MAN2B1: variants seen among roughly 807,000 people sequenced by gnomAD.
The protein encoded by MAN2B1 is lysosomal alpha-mannosidase.
In MAN2B1, 99 loss-of-function variants were observed where a neutral mutation model predicts 127.5. The ratio of observed to expected loss-of-function variants is 0.78; its 90% CI spans 0.66 to 0.92. The LOEUF is 0.92. MAN2B1 is among the 40% of genes least tolerant of loss of function. The pLI is 0.00. For missense variants in MAN2B1, 1,304 were observed against 1,384.8 expected, an observed-to-expected ratio of 0.94 and a Z score of 0.93; for synonymous variants, 573 against 568.8, an observed-to-expected ratio of 1.01 and a Z score of -0.11.
Position 12,665,463 on chromosome 19 carries a change from G to A in MAN2B1, c.325C>T (p.Leu109=), listed in dbSNP as rs756417972. ...ATGAAGCGACGGGTGGGATCTGCCA[G>A]CAAGGCAGAGATGACCGAGTCCAGG... ...YILDSVISAL[L]ADPTRRFIYV... Residue 109 remains leucine (L), a synonymous_variant, in exon 3 of 24, where the codon CTG becomes TTG. Transcript: ENST00000456935. 1.2e-6 allele frequency: 2 copies of A among 1,614,168 alleles called. No individual in the cohort carries two copies. Among genetic ancestry groups the A allele is most frequent in the East Asian group, 4.5e-5 (2 of 44,882 alleles).
chr19:12,660,054 C>T (rs1240032298), intron 7 of MAN2B1, among the ~76,000 whole-genome samples: 1 of 152,044 alleles, frequency 6.6e-6, no homozygotes, highest in Non-Finnish European at 1.5e-5. Flanking sequence ...CCACAGGCCA[C>T]TTAGTGCAAA....
chr19:12,651,542 G>A (rs1179283228), intron 16 of MAN2B1, among the ~76,000 whole-genome samples: 4 of 152,136 alleles, frequency 2.6e-5, no homozygotes, highest in Non-Finnish European at 4.4e-5. Context: ...GTTAATTTGG[G>A]TAACTCTGTT....
At chr19:12,656,117 G>A in intron 13 of MAN2B1, 1 of 464,182 alleles carries the variant, frequency 2.2e-6, no homozygotes, top group Admixed American at 3.8e-5. Flanking sequence ...GAAGGAGGAA[G>A]TAGGGGAAGA....
chr19:12,665,588 G>T, intron 2 of MAN2B1, 63 bp from the exon 3 acceptor site: 1 of 1,604,062 alleles, frequency 6.2e-7, no homozygotes, highest in South Asian at 1.1e-5. Flanking sequence ...TTCCTAGACA[G>T]AGGAGCCCAA....
chr19:12,649,551 G>A (rs572759803), intron 18 of MAN2B1, 123 bp from the exon 19 acceptor site: 6 of 671,538 alleles, frequency 8.9e-6, no homozygotes, highest in African/African-American at 5.8e-5. Context: ...GCGCGATCTC[G>A]GCTCACTGCA....
intron 13 of MAN2B1, 34 bp downstream of exon 13, chr19:12,656,537 T>G (rs201764182): frequency 1.4e-6 from 2 of 1,474,184 alleles, no homozygotes; most frequent in Non-Finnish European, 1.9e-6. Flanking sequence ...GGGGGAGGAG[T>G]CCCAGCGGGG....
intron 2 of MAN2B1, 75 bp downstream of exon 2, chr19:12,665,627 CA>C: frequency 6.4e-7 from 1 of 1,572,998 alleles, no homozygotes; most frequent in Non-Finnish European, 8.7e-7. Flanking sequence ...GCACTGGCCC[CA>C]CCCTAATGTC....
intron 6 of MAN2B1, among the ~76,000 whole-genome samples, chr19:12,662,533 G>A (rs557875499): frequency 2.2e-4 from 34 of 152,276 alleles, no homozygotes; most frequent in African/African-American, 7.9e-4. Flanking sequence ...GGGAGGCTGA[G>A]GCAGAAGAAT....
intron 6 of MAN2B1, 57 bp downstream of exon 6, chr19:12,663,260 G>C: frequency 6.3e-7 from 1 of 1,599,052 alleles, no homozygotes; most frequent in Non-Finnish European, 8.6e-7. Context: ...CTGTACCATG[G>C]AAAGAGCTCA....
Position 12,652,207 on chromosome 19 carries a change from G to A in MAN2B1, c.1992C>T (p.Pro664=), listed in dbSNP as rs1207243486. 12 of 1,614,046 alleles carry A rather than the reference G, an allele frequency of 7.4e-6. No homozygotes were observed. The highest frequency in any genetic ancestry group is 1.7e-5 in the Admixed American group (1 of 59,982). ...DQASGAYIFR[P]NQQKPLPVSR... The stretch of plus-strand genomic sequence containing the variant: ...TCACAGGCAGCGGTTTCTGTTGGTT[G>A]GGTCTGAAGATGTAGGCACCTGAGG... Residue 664 remains proline (P), a synonymous_variant, in exon 16 of 24, where the codon CCC becomes CCT. Transcript: ENST00000456935.
At chr19:12,649,545 G>A (rs1390465837) in intron 18 of MAN2B1, 117 bp from the exon 19 acceptor site, 46 of 678,862 alleles carry the variant, frequency 6.8e-5, no homozygotes, top group South Asian at 4.8e-4. Context: ...GCAGTGGCGC[G>A]ATCTCGGCTC....
intron 10 of MAN2B1, 88 bp from the exon 11 acceptor site, chr19:12,657,643 G>T: frequency 1.7e-6 from 2 of 1,154,660 alleles, no homozygotes; most frequent in Middle Eastern, 1.9e-4. Context: ...TGGCGGGCAG[G>T]ATTCTTAGAG....
intron 11 of MAN2B1, 114 bp from the exon 12 acceptor site, chr19:12,657,170 C>G: frequency 1.3e-6 from 1 of 754,518 alleles, no homozygotes; most frequent in Non-Finnish European, 2.3e-6. Flanking sequence ...AGAGTCGCCC[C>G]AAAACCCCTT....
chr19:12,648,990 CG>C (rs1381438424), intron 20 of MAN2B1, 145 bp downstream of exon 20: 1 of 719,040 alleles, frequency 1.4e-6, no homozygotes, highest in Non-Finnish European at 2.4e-6. Flanking sequence ...AGCAAAACTC[CG>C]TCTCAAAGAG....
At chr19:12,657,981 A>G (rs2024010736) in intron 10 of MAN2B1, 82 bp downstream of exon 10, 3 of 901,422 alleles carry the variant, frequency 3.3e-6, no homozygotes, top group Non-Finnish European at 3.4e-6. Context: ...AAAAAAAAAA[A>G]GAAGAAACTC....
chr19:12,654,299 C>A (rs1478527594), intron 14 of MAN2B1, among the ~76,000 whole-genome samples: 4 of 152,154 alleles, frequency 2.6e-5, no homozygotes, highest in Non-Finnish European at 5.9e-5. Context: ...GCCTCGGCCT[C>A]CCAAAGTGCT....
At chr19:12,666,466 G>T in intron 1 of MAN2B1, 77 bp downstream of exon 1, 1 of 1,510,506 alleles carries the variant, frequency 6.6e-7, no homozygotes. Flanking sequence ...CCACAGGACA[G>T]ACCCACCCAC....
rs1320373857 is a variant in MAN2B1, at chr19:12,664,893, G to A, written c.529C>T (p.Arg177Cys). The change falls in exon 4 of 24, where the codon CGC (arginine) becomes TGC (cysteine). Residue 177 changes from arginine to cysteine, a missense_variant. Transcript: ENST00000456935. ...TTGCCAAATGTGTCCTCCAGAAAGC[G>A]CAGCCCAAGTGTCATCTGGTCCACG... ...AIVDQMTLGL[R>C]FLEDTFGNDG... is the part of the protein sequence containing the mutation. The A allele has an allele frequency of 6.2e-7, 1 of 1,614,140 alleles. No individual in the cohort carries two copies. Among genetic ancestry groups the A allele is most frequent in the South Asian group, 1.1e-5 (1 of 91,070 alleles).
Position 12,659,800 on chromosome 19 carries a change from C to T in MAN2B1, c.1027-1290G>A, listed in dbSNP as rs189186571. Among the ~76,000 whole-genome samples the T allele has an allele frequency of 1.5e-4, 20 of 132,122 alleles. 1 individual carries two copies. Among genetic ancestry groups the T allele is most frequent in the African/African-American group, 3.1e-5 (1 of 31,942 alleles). The allele number at this position is 132,122 out of a possible 152,430, so 86.7% of individuals were successfully genotyped here. A position where few individuals can be genotyped will look rare whatever the true frequency, so the allele number is the denominator to read the frequency against. ...TGCCACTGCACTCCAGCCTGGGTGACAAAGCAAGACTCTTGTCTCAATAAA... is the reference window on the plus strand; with the variant it reads ...TGCCACTGCACTCCAGCCTGGGTGATAAAGCAAGACTCTTGTCTCAATAAA... On this transcript the variant is annotated intron_variant, in intron 7 of 23. Coordinates refer to ENST00000456935, the MANE Select transcript of MAN2B1 (RefSeq NM_000528.4).
Sources: gnomAD v4.1 joint callset for allele counts (sites outside exome capture counted in the v4.1 genomes callset) on GRCh38, gnomAD v4.1.1 for gene constraint, MANE v1.5 for transcripts, NCBI Gene and HGNC (gene_info 2026-07-23, HGNC 2026-07-21) for gene names.